The following GIN1 variants were observed in gnomAD, a reference collection of about 807,000 sequenced individuals.
GIN1 encodes gypsy retrotransposon integrase 1.
In GIN1, 41 loss-of-function variants were observed where a neutral mutation model predicts 51.4. The observed-to-expected ratio is 0.80, with a 90% CI of 0.62 to 1.04. The LOEUF (loss-of-function observed/expected upper bound fraction) is 1.04. Among genes scored for constraint, GIN1 ranks in the 50% least tolerant of loss-of-function variants. GIN1 has a pLI of 0.00. For synonymous variants in GIN1, 222 were observed against 206.5 expected (o/e 1.07, Z -0.64); for missense variants, 610 against 612.4 (o/e 1.00, Z 0.04).
At chr5:103,090,300 C>T (rs565008332) in intron 7 of GIN1, among the ~76,000 whole-genome samples, 26 of 152,182 alleles carry the variant, frequency 1.7e-4, no homozygotes, top group South Asian at 6.2e-4. Flanking sequence ...ACAACAACAA[C>T]GAAAATCATG....
Position 103,106,872 on chromosome 5 carries a change from T to C in GIN1, c.177A>G (p.Gln59=), listed in dbSNP as rs1787741288. 1 of 1,587,358 alleles carries C rather than the reference T, an allele frequency of 6.3e-7. No homozygotes were observed. Among genetic ancestry groups the C allele is most frequent in the South Asian group, 1.2e-5 (1 of 86,172 alleles). The change falls in exon 3 of 8, where the codon CAA becomes CAG. Residue 59 remains glutamine (Q), a synonymous_variant. Coordinates refer to ENST00000399004, the MANE Select transcript of GIN1 (RefSeq NM_017676.2). ...KLFYVGKDRK[Q]NRLVIVSEEE... is the part of the protein sequence containing the mutation. ...CTTCTGAAACAATTACCAAACGATT[T>C]TGTTTTCTGTCTTTTCCAACATAAA...
intron 4 of GIN1, among the ~76,000 whole-genome samples, chr5:103,101,314 GAGCAGGAC>G (rs1787568034): frequency 6.6e-6 from 1 of 152,218 alleles, no homozygotes; most frequent in Non-Finnish European, 1.5e-5. Flanking sequence ...CAGTTGGACA[GAGCAGGAC>G]AGCATGAGAT....
At chr5:103,114,787 T>C (rs1554197213) in intron 1 of GIN1, among the ~76,000 whole-genome samples, 1 of 152,132 alleles carries the variant, frequency 6.6e-6, no homozygotes, top group Admixed American at 6.5e-5. Flanking sequence ...AAATATATTG[T>C]AAATCTTTAG....
chr5:103,111,099 A>G (rs1583132596), intron 1 of GIN1, among the ~76,000 whole-genome samples: 1 of 152,050 alleles, frequency 6.6e-6, no homozygotes, highest in East Asian at 1.9e-4. Context: ...GTGTCGTTTC[A>G]AGTTGGGAAT....
At chr5:103,101,339 A>T (rs1168221777) in intron 4 of GIN1, among the ~76,000 whole-genome samples, 5 of 152,224 alleles carry the variant, frequency 3.3e-5, no homozygotes, top group Non-Finnish European at 4.4e-5. Context: ...AGATTTTATC[A>T]CTATACGCAG....
chr5:103,087,931 G>C lies in GIN1; in HGVS notation c.1536C>G (p.Asp512Glu), dbSNP rs1583104611. ...SLEKQTFSLL[D>E]SSNQVLEYLS ...AGTATTCAAGAACCTGGTTTGAAGA[G>C]TCCAACAGACTGAAAGTCTGCTTTT... Residue 512 changes from aspartate (D) to glutamate (E), a missense_variant, in exon 8 of 8, where the codon GAC becomes GAG. Transcript: ENST00000399004. 6.3e-7 allele frequency: 1 copy of C among 1,583,004 alleles called. No homozygotes were observed. The highest frequency in any genetic ancestry group is 1.1e-5 in the South Asian group (1 of 89,392).
intron 7 of GIN1, among the ~76,000 whole-genome samples, chr5:103,092,136 C>A (rs1033230341): frequency 6.6e-6 from 1 of 152,044 alleles, no homozygotes; most frequent in East Asian, 1.9e-4. Context: ...TCTGCCTCAG[C>A]CCGCTAAGTA....
chr5:103,116,072 C>G (rs936569622), intron 1 of GIN1, among the ~76,000 whole-genome samples: 5 of 152,092 alleles, frequency 3.3e-5, no homozygotes, highest in African/African-American at 1.2e-4. Context: ...CCAAATTGAT[C>G]TATAGATTCA....
rs185056481 is a variant in GIN1, at chr5:103,099,965, T to G, written c.640-2184A>C. 4.6e-5 allele frequency among the ~76,000 whole-genome samples: 7 copies of G among 152,334 alleles called. No homozygotes were observed. The East Asian group carries it at 1.3e-3, about 29-fold the overall frequency. ...CAAAAGAGTTCATTTTGTACTGTCA[T>G]CGTTATGCTTTCTGTGTAATAGTGA... On this transcript the variant is annotated intron_variant, in intron 4 of 7. Coordinates refer to ENST00000399004, the MANE Select transcript of GIN1 (RefSeq NM_017676.2).
intron 6 of GIN1, 102 bp downstream of exon 6, chr5:103,097,212 T>A: frequency 1.7e-6 from 1 of 598,306 alleles, no homozygotes; most frequent in Non-Finnish European, 2.9e-6. Flanking sequence ...CAAGTAAGTA[T>A]GTGTGTGTGT....
At chr5:103,116,299 G>A (rs952882730) in intron 1 of GIN1, among the ~76,000 whole-genome samples, 2 of 152,034 alleles carry the variant, frequency 1.3e-5, no homozygotes, top group Non-Finnish European at 2.9e-5. Flanking sequence ...TAAATCTATC[G>A]AACAGAATAG....
chr5:103,093,918 A>C (rs1554194777), intron 7 of GIN1, among the ~76,000 whole-genome samples: 1 of 152,204 alleles, frequency 6.6e-6, no homozygotes, highest in African/African-American at 2.4e-5. Flanking sequence ...GAATGTGCTC[A>C]CTCTACATTT....
rs782785900 is a variant in GIN1, at chr5:103,097,663, T to C, written c.758A>G (p.His253Arg). 6.2e-7 allele frequency: 1 copy of C among 1,610,746 alleles called. No individual in the cohort carries two copies. The highest frequency in any genetic ancestry group is 1.7e-5 in the Admixed American group (1 of 60,010). ...CCAATTGTTTGGGTGGTCAGCACAG[T>C]GTTTGGAGAGAAATGCTTTGATTGT... The part of the protein sequence containing the change: ...PNTIKAFLSK[H>R]CADHPNNWDD... Residue 253 changes from histidine to arginine, a missense_variant, in exon 5 of 8, where the codon CAC (histidine) becomes CGC (arginine). His to Arg is a conservative substitution (Grantham distance 29). Transcript: ENST00000399004.
intron 7 of GIN1, among the ~76,000 whole-genome samples, chr5:103,096,151 A>G (rs34812): frequency 0.26 from 39,109 of 151,640 alleles, 5,561 homozygotes; most frequent in East Asian, 0.45. Context: ...AGACCAGCCT[A>G]GCTAACATGG....
chr5:103,117,964 C>T (rs1554197563), intron 1 of GIN1, among the ~76,000 whole-genome samples: 1 of 152,036 alleles, frequency 6.6e-6, no homozygotes, highest in Non-Finnish European at 1.5e-5. Context: ...TTGGTTCAGG[C>T]CTCTGTTACA....
intron 4 of GIN1, among the ~76,000 whole-genome samples, chr5:103,103,032 T>A (rs1440680011): frequency 6.6e-6 from 1 of 152,250 alleles, no homozygotes; most frequent in Non-Finnish European, 1.5e-5. Context: ...TTTTAACATA[T>A]TAACAAAGCA....
At chr5:103,117,691 G>A (rs1788080856) in intron 1 of GIN1, among the ~76,000 whole-genome samples, 1 of 152,040 alleles carries the variant, frequency 6.6e-6, no homozygotes, top group Admixed American at 6.6e-5. Context: ...CCATTGCTAA[G>A]TGACTCACGA....
intron 7 of GIN1, among the ~76,000 whole-genome samples, chr5:103,091,107 T>A (rs911083880): frequency 6.6e-6 from 1 of 152,176 alleles, no homozygotes; most frequent in Admixed American, 6.5e-5. Context: ...AAAGGTCAAA[T>A]ATGTTTCAAC....
chr5:103,101,913 T>A (rs34821), intron 4 of GIN1, among the ~76,000 whole-genome samples: 38,849 of 152,130 alleles, frequency 0.26, 5,530 homozygotes, highest in East Asian at 0.45. Flanking sequence ...ACTCCATTGC[T>A]CAGACCACTG....
Sources: allele counts gnomAD v4.1 joint callset (sites outside exome capture counted in the v4.1 genomes callset), GRCh38; gene constraint gnomAD v4.1.1; transcripts MANE v1.5; gene names NCBI Gene and HGNC (gene_info 2026-07-23, HGNC 2026-07-21).